Variants in CTNND2 observed in about 807,000 individuals in gnomAD.
CTNND2 encodes the protein catenin delta-2.
CTNND2 carries 22 observed loss-of-function variants against 144.4 expected under a neutral mutation model. That is an observed-to-expected ratio of 0.15 (90% confidence interval 0.11 to 0.22). CTNND2 has a LOEUF of 0.22. Ranked by LOEUF, CTNND2 falls within the 10% of genes least tolerant of loss-of-function variation. The probability of loss-of-function intolerance (pLI) is 1.00; values close to 1 mark genes in which losing one functional copy is unlikely to be tolerated. For missense variants in CTNND2, 1,353 were observed against 1,618.8 expected (o/e 0.84, Z 2.82); for synonymous variants, 751 against 695.6 (o/e 1.08, Z -1.25).
intron 2 of CTNND2, among the ~76,000 whole-genome samples, chr5:11,632,461 T>C (rs1470126322): frequency 6.6e-6 from 1 of 152,068 alleles, no homozygotes; most frequent in Admixed American, 6.6e-5. Context: ...AGTTACCAAA[T>C]AAATAAACAA....
intron 1 of CTNND2, among the ~76,000 whole-genome samples, chr5:11,805,025 T>A (rs537477145): frequency 6.6e-6 from 1 of 152,314 alleles, no homozygotes; most frequent in East Asian, 1.9e-4. Flanking sequence ...TGTGATTTAA[T>A]CAATGATGTT....
At chr5:11,677,940 T>G (rs976182264) in intron 2 of CTNND2, among the ~76,000 whole-genome samples, 17 of 152,168 alleles carry the variant, frequency 1.1e-4, no homozygotes, top group African/African-American at 4.1e-4. Context: ...ATTTTTGGCC[T>G]TATTTTCTAC....
At chr5:11,824,030 G>A (rs1793467290) in intron 1 of CTNND2, among the ~76,000 whole-genome samples, 1 of 148,916 alleles carries the variant, frequency 6.7e-6, no homozygotes, top group South Asian at 2.1e-4. Context: ...TTGAACCGGG[G>A]AGGTGGAGGT....
At chr5:11,237,227 G>C (rs969824015) in intron 9 of CTNND2, among the ~76,000 whole-genome samples, 11 of 151,992 alleles carry the variant, frequency 7.2e-5, no homozygotes, top group Admixed American at 2.6e-4. Context: ...CACTGTGTTA[G>C]CCAGGATGAT....
At chr5:11,231,220 C>CT (rs1233665429) in intron 10 of CTNND2, among the ~76,000 whole-genome samples, 9 of 147,324 alleles carry the variant, frequency 6.1e-5, no homozygotes, top group Non-Finnish European at 9.2e-5. Context: ...CATTAAACCT[C>CT]TTTTTTTAAT....
chr5:11,798,501 G>C (rs1255483980), intron 1 of CTNND2, among the ~76,000 whole-genome samples: 1 of 152,160 alleles, frequency 6.6e-6, no homozygotes, highest in Non-Finnish European at 1.5e-5. Context: ...AGGTGCAGTG[G>C]CTCACGCCTG....
intron 1 of CTNND2, among the ~76,000 whole-genome samples, chr5:11,864,655 T>C (rs1356969242): frequency 1.3e-5 from 2 of 152,276 alleles, no homozygotes; most frequent in East Asian, 3.9e-4. Context: ...AACTGTGTTG[T>C]AGGGGGGCTC....
intron 2 of CTNND2, among the ~76,000 whole-genome samples, chr5:11,583,049 C>CT (rs1393782460): frequency 6.6e-6 from 1 of 152,194 alleles, no homozygotes; most frequent in Non-Finnish European, 1.5e-5. Flanking sequence ...TAAAGTTTTT[C>CT]TGGCTTCCTT....
chr5:11,709,687 G>A (rs937879861), intron 2 of CTNND2, among the ~76,000 whole-genome samples: 3 of 152,116 alleles, frequency 2.0e-5, no homozygotes, highest in Non-Finnish European at 4.4e-5. Flanking sequence ...TTTAAGAAAC[G>A]GTAGACAAAG....
chr5:11,532,313 C>A (rs139994445), intron 3 of CTNND2, among the ~76,000 whole-genome samples: 1 of 143,986 alleles, frequency 6.9e-6, no homozygotes, highest in South Asian at 2.3e-4. Flanking sequence ...ACCCCCACCC[C>A]TCCTCCAGTA....
At chr5:11,159,912 G>A (rs1036397892) in intron 11 of CTNND2, among the ~76,000 whole-genome samples, 153 bp from the exon 12 acceptor site, 5 of 152,162 alleles carry the variant, frequency 3.3e-5, no homozygotes, top group African/African-American at 1.2e-4. Flanking sequence ...TAGAACATTC[G>A]TGTGAACCCA....
At chr5:11,865,628 AC>A in intron 1 of CTNND2, among the ~76,000 whole-genome samples, 1 of 152,220 alleles carries the variant, frequency 6.6e-6, no homozygotes, top group East Asian at 1.9e-4. Flanking sequence ...AATTCCTAGA[AC>A]CAGTGAATAT....
At chr5:11,182,152 G>T (rs1560983265) in intron 11 of CTNND2, among the ~76,000 whole-genome samples, 1 of 139,884 alleles carries the variant, frequency 7.1e-6, no homozygotes, top group Non-Finnish European at 1.6e-5. Context: ...GTGTGGATGG[G>T]GTGTGTGTGT....
intron 9 of CTNND2, among the ~76,000 whole-genome samples, chr5:11,269,819 AC>A (rs1046491175): frequency 1.3e-5 from 2 of 152,206 alleles, no homozygotes; most frequent in Non-Finnish European, 2.9e-5. Context: ...ATCTGTATTT[AC>A]TTCAATATAA....
intron 1 of CTNND2, among the ~76,000 whole-genome samples, chr5:11,833,471 C>T (rs1794015619): frequency 6.6e-6 from 1 of 151,832 alleles, no homozygotes; most frequent in Admixed American, 6.6e-5. Flanking sequence ...AGGGAGGGTA[C>T]AGGTGGTGAC....
intron 10 of CTNND2, among the ~76,000 whole-genome samples, chr5:11,205,602 CACTGAATTTCAAG>C (rs1186304920): frequency 6.6e-6 from 1 of 152,124 alleles, no homozygotes; most frequent in Admixed American, 6.5e-5. Flanking sequence ...CAATTTACCT[CACTGAATTTCAAG>C]CCTTACTCTT....
chr5:11,649,035 T>C lies in CTNND2; in HGVS notation c.174+83101A>G, dbSNP rs571006459. Among the ~76,000 whole-genome samples the C allele has an allele frequency of 9.2e-5, 14 of 152,354 alleles. No homozygotes were observed. The East Asian group carries it at 2.7e-3, about 29-fold the overall frequency. ...AAACTACTTTTATATTCTTATGTAA[T>C]TATTCCTATAGTAAAATTCTTTGTC... On this transcript the variant is annotated intron_variant, in intron 2 of 21. Coordinates refer to ENST00000304623, the MANE Select transcript of CTNND2 (RefSeq NM_001332.4).
chr5:11,882,594 T>C (rs764992618), intron 1 of CTNND2, among the ~76,000 whole-genome samples: 1 of 152,254 alleles, frequency 6.6e-6, no homozygotes, highest in African/African-American at 2.4e-5. Context: ...CTTGGAACCT[T>C]TGTCAAAAAT....
intron 2 of CTNND2, among the ~76,000 whole-genome samples, chr5:11,679,360 A>G (rs370296892): frequency 7.2e-5 from 11 of 152,328 alleles, no homozygotes; most frequent in African/African-American, 2.6e-4. Flanking sequence ...CAATGCCAGA[A>G]ATATGGAGAT....
Sources: allele counts gnomAD v4.1 joint callset (sites outside exome capture counted in the v4.1 genomes callset), GRCh38; gene constraint gnomAD v4.1.1; transcripts MANE v1.5; gene names NCBI Gene and HGNC (gene_info 2026-07-23, HGNC 2026-07-21).